Variants in ANGPTL2 observed in about 807,000 individuals in gnomAD.
The protein encoded by ANGPTL2 is angiopoietin like 2.
In ANGPTL2, 25 loss-of-function variants were observed where a neutral mutation model predicts 52.8. The observed-to-expected ratio is 0.47, with a 90% CI of 0.35 to 0.66. ANGPTL2 has a LOEUF of 0.66. Among genes scored for constraint, ANGPTL2 ranks in the 30% least tolerant of loss-of-function variants. The pLI is 0.01. For missense variants in ANGPTL2, 546 were observed against 656.9 expected, an observed-to-expected ratio of 0.83 and a Z score of 1.84; for synonymous variants, 276 against 277.4, an observed-to-expected ratio of 1.00 and a Z score of 0.05.
At chr9:127,112,107 C>T (rs989165819) in intron 1 of ANGPTL2, among the ~76,000 whole-genome samples, 1 of 152,166 alleles carries the variant, frequency 6.6e-6, no homozygotes, top group Non-Finnish European at 1.5e-5. Flanking sequence ...AGCTGTTTTC[C>T]ACTTAAATGA....
intron 2 of ANGPTL2, among the ~76,000 whole-genome samples, chr9:127,096,798 C>G (rs2053186940): frequency 6.6e-6 from 1 of 152,322 alleles, no homozygotes; most frequent in Admixed American, 6.5e-5. Flanking sequence ...ACTCCTTGCT[C>G]TAAGAGTAGT....
At chr9:127,089,185 T>C in intron 4 of ANGPTL2, 47 bp from the exon 5 acceptor site, 1 of 1,598,478 alleles carries the variant, frequency 6.3e-7, no homozygotes. Flanking sequence ...GAGGCCATTC[T>C]ACTTGCGTCC....
At chr9:127,094,988 G>C (rs1005755058) in intron 2 of ANGPTL2, among the ~76,000 whole-genome samples, 1 of 152,346 alleles carries the variant, frequency 6.6e-6, no homozygotes, top group Non-Finnish European at 1.5e-5. Context: ...CCAAGGGTCT[G>C]GACAGGCTGG....
intron 2 of ANGPTL2, among the ~76,000 whole-genome samples, chr9:127,097,309 T>C (rs1247979198): frequency 6.6e-6 from 1 of 152,264 alleles, no homozygotes; most frequent in Non-Finnish European, 1.5e-5. Flanking sequence ...TTTAAGGCTT[T>C]CTAGAATAAT....
At chr9:127,089,223 C>G (rs2789509) in intron 4 of ANGPTL2, 85 bp from the exon 5 acceptor site, 39,551 of 1,447,098 alleles carry the variant, frequency 0.027, 668 homozygotes, top group Middle Eastern at 0.06. Flanking sequence ...CGGCAAAGCC[C>G]TCTCTGGGAG....
At chr9:127,100,461 G>A (rs1327336123) in intron 2 of ANGPTL2, among the ~76,000 whole-genome samples, 2 of 152,226 alleles carry the variant, frequency 1.3e-5, no homozygotes, top group African/African-American at 2.4e-5. Context: ...CACCAGCGCT[G>A]TTGGGCAGGA....
rs1013501383 is a variant in ANGPTL2 at position 127,120,022 on chromosome 9, C to T, written c.-50+2293G>A. ...AGCCCACTGGAACCTCAGGGGGCCA[C>T]AGCACAGAAGCTCCTCTCCTGGGCT... On this transcript the variant is annotated intron_variant, in intron 1 of 4. Transcript: ENST00000373425. 2.0e-5 allele frequency among the ~76,000 whole-genome samples: 3 copies of T among 152,324 alleles called. No homozygotes were observed. In the South Asian group the frequency reaches 6.2e-4, roughly 32 times the overall value.
chr9:127,115,706 C>G (rs1269854427), intron 1 of ANGPTL2, among the ~76,000 whole-genome samples: 1 of 152,226 alleles, frequency 6.6e-6, no homozygotes. Flanking sequence ...ATGTTACTCA[C>G]TGTTGACTGA....
At chr9:127,110,209 T>G (rs1356502755) in intron 1 of ANGPTL2, among the ~76,000 whole-genome samples, 1 of 152,160 alleles carries the variant, frequency 6.6e-6, no homozygotes, top group African/African-American at 2.4e-5. Context: ...TCCCCTTCAT[T>G]CTAGGTTGCC....
At chr9:127,104,128 T>C (rs1041070962) in intron 2 of ANGPTL2, among the ~76,000 whole-genome samples, 16 of 152,182 alleles carry the variant, frequency 1.1e-4, no homozygotes, top group African/African-American at 3.9e-4. Flanking sequence ...TATGGCCCCT[T>C]CTTCTTCACT....
chr9:127,113,179 T>C (rs1280763786), intron 1 of ANGPTL2, among the ~76,000 whole-genome samples: 1 of 152,102 alleles, frequency 6.6e-6, no homozygotes, highest in Non-Finnish European at 1.5e-5. Context: ...GGTGGGTTGT[T>C]ATTCACCCCT....
Position 127,088,599 on chromosome 9 carries a change from G to C in ANGPTL2, c.*340C>G, listed in dbSNP as rs553619650. ...GCATATATATGTGGTATACACATACGTGCACAAGGGAGGCTCATACACATG... is the reference window on the plus strand; with the variant it reads ...GCATATATATGTGGTATACACATACCTGCACAAGGGAGGCTCATACACATG... On this transcript the variant is annotated 3_prime_UTR_variant, in exon 5 of 5. Transcript: ENST00000373425. 573 of 341,074 alleles carry C rather than the reference G, an allele frequency of 1.7e-3. 2 individuals carry two copies. The highest frequency in any genetic ancestry group is 2.1e-3 in the Non-Finnish European group (385 of 181,868). The allele number at this position is 341,074 out of a possible 1,614,324, so 21.1% of individuals were successfully genotyped here.
intron 1 of ANGPTL2, among the ~76,000 whole-genome samples, chr9:127,114,460 A>C (rs1455451347): frequency 6.6e-6 from 1 of 152,206 alleles, no homozygotes; most frequent in Non-Finnish European, 1.5e-5. Flanking sequence ...CTGGAAACCC[A>C]AAAGAGGTTG....
Position 127,117,339 on chromosome 9 carries a change from C to T in ANGPTL2, c.-50+4976G>A, listed in dbSNP as rs534936606. Among the ~76,000 whole-genome samples, 24 of 152,366 alleles carry T rather than the reference C, an allele frequency of 1.6e-4. No homozygotes were observed. The South Asian group carries it at 4.6e-3, about 29-fold the overall frequency. The stretch of plus-strand genomic sequence containing the variant: ...AAAAGCAGGGCCAGGGCAGATTCCT[C>T]CTCTGACTACTGAGTATCCAGGATG... On this transcript the variant is annotated intron_variant, in intron 1 of 4. Coordinates refer to ENST00000373425, the MANE Select transcript of ANGPTL2 (RefSeq NM_012098.3).
chr9:127,111,870 G>A (rs957197787), intron 1 of ANGPTL2, among the ~76,000 whole-genome samples: 7 of 152,204 alleles, frequency 4.6e-5, no homozygotes, highest in African/African-American at 1.2e-4. Context: ...GATGACACAG[G>A]CATGTATTTA....
intron 1 of ANGPTL2, among the ~76,000 whole-genome samples, chr9:127,121,773 T>C (rs2056114225): frequency 6.6e-6 from 1 of 152,170 alleles, no homozygotes; most frequent in Admixed American, 6.5e-5. Flanking sequence ...GCCTCTGCTC[T>C]CCTCGCCAGC....
intron 2 of ANGPTL2, among the ~76,000 whole-genome samples, chr9:127,103,080 C>T (rs979406665): frequency 6.6e-6 from 1 of 152,198 alleles, no homozygotes; most frequent in Admixed American, 6.5e-5. Flanking sequence ...TGAAGCTGAC[C>T]CAGCCACACA....
rs2052077281 is a variant in ANGPTL2, at chr9:127,088,770, A to G, written c.*169T>C. 4.1e-6 allele frequency: 3 copies of G among 733,616 alleles called. No homozygotes were observed. The highest frequency in any genetic ancestry group is 4.5e-6 in the Non-Finnish European group (2 of 440,032). The allele number at this position is 733,616 out of a possible 1,614,324, so 45.4% of individuals were successfully genotyped here. ...AAGTAGGAGGGACAGAAAACACCGTATCGATTCAGTTCCATCATCCGCTGC... is the reference window on the plus strand; with the variant it reads ...AAGTAGGAGGGACAGAAAACACCGTGTCGATTCAGTTCCATCATCCGCTGC... On this transcript the variant is annotated 3_prime_UTR_variant, in exon 5 of 5. Transcript: ENST00000373425.
At chr9:127,109,051 C>T (rs1381589865) in intron 1 of ANGPTL2, among the ~76,000 whole-genome samples, 5 of 152,232 alleles carry the variant, frequency 3.3e-5, no homozygotes, top group Non-Finnish European at 7.3e-5. Context: ...CCAGAGCCAG[C>T]TCCAATGCCC....
Sources: allele counts gnomAD v4.1 joint callset (sites outside exome capture counted in the v4.1 genomes callset), GRCh38; gene constraint gnomAD v4.1.1; transcripts MANE v1.5; gene names NCBI Gene and HGNC (gene_info 2026-07-23, HGNC 2026-07-21).